The following RFX4 variants were observed in gnomAD, a reference collection of about 807,000 sequenced individuals.
RFX4 encodes transcription factor RFX4.
Under a neutral mutation model 95.0 loss-of-function variants are expected in RFX4, and 10 were observed. That is an observed-to-expected ratio of 0.11 (90% CI 0.06 to 0.18). The LOEUF (loss-of-function observed/expected upper bound fraction) is 0.18, where lower values mean the gene tolerates loss of function less well. Among genes scored for constraint, RFX4 ranks in the 10% least tolerant of loss-of-function variants. The pLI, the probability that RFX4 is intolerant of heterozygous loss-of-function variation, is 1.00. For synonymous variants in RFX4, 321 were observed against 340.7 expected (o/e 0.94, Z 0.64); for missense variants, 640 against 922.0 (o/e 0.69, Z 3.96).
chr12:106,596,553 A>T (rs1436604710), intron 1 of RFX4, among the ~76,000 whole-genome samples: 1 of 152,210 alleles, frequency 6.6e-6, no homozygotes, highest in Non-Finnish European at 1.5e-5. Flanking sequence ...TAAACCAGTG[A>T]ATTGGAAGGA....
chr12:106,597,894 A>G (rs1320641048), intron 1 of RFX4, among the ~76,000 whole-genome samples: 1 of 152,172 alleles, frequency 6.6e-6, no homozygotes, highest in African/African-American at 2.4e-5. Flanking sequence ...GTGCAAAAAT[A>G]AAAAAGAAAA....
intron 2 of RFX4, among the ~76,000 whole-genome samples, chr12:106,625,894 T>G (rs1386422273): frequency 6.6e-6 from 1 of 152,222 alleles, no homozygotes; most frequent in Non-Finnish European, 1.5e-5. Context: ...ACTTGTTCAA[T>G]GTCATAGCAA....
In RFX4 at chr12:106,583,114, C is replaced by G; in HGVS notation, c.-207C>G. The G allele has an allele frequency of 4.3e-6, 2 of 459,894 alleles. No individual in the cohort carries two copies. Among genetic ancestry groups the G allele is most frequent in the Non-Finnish European group, 7.4e-6 (2 of 268,548 alleles). The allele number at this position is 459,894 out of a possible 1,614,324, so 28.5% of individuals were successfully genotyped here. ...CGAGCTCGCTCCCTTCTCTCCCTCTCTCTCCTCTTTTCTTCTTTCTCTTTT... is the reference window on the plus strand; with the variant it reads ...CGAGCTCGCTCCCTTCTCTCCCTCTGTCTCCTCTTTTCTTCTTTCTCTTTT... On this transcript the variant is annotated 5_prime_UTR_variant, in exon 1 of 18. Transcript: ENST00000392842.
chr12:106,731,485 A>C (rs1430087281), intron 13 of RFX4, among the ~76,000 whole-genome samples: 1 of 152,204 alleles, frequency 6.6e-6, no homozygotes, highest in Non-Finnish European at 1.5e-5. Flanking sequence ...TTTACAAAAT[A>C]ATCTACTCTA....
chr12:106,733,206 C>G (rs1189317533), intron 15 of RFX4, 121 bp downstream of exon 15: 5 of 1,104,006 alleles, frequency 4.5e-6, no homozygotes, highest in Admixed American at 1.9e-5. Context: ...CATCTTGGCT[C>G]ACACCTGTAG....
chr12:106,641,377 T>C (rs1592884942), intron 3 of RFX4, among the ~76,000 whole-genome samples: 1 of 152,216 alleles, frequency 6.6e-6, no homozygotes, highest in East Asian at 1.9e-4. Flanking sequence ...CATAGGGTAG[T>C]CATGAAGATG....
At chr12:106,699,903 A>T (rs2041952804) in intron 8 of RFX4, among the ~76,000 whole-genome samples, 1 of 151,954 alleles carries the variant, frequency 6.6e-6, no homozygotes, top group Non-Finnish European at 1.5e-5. Context: ...ATATGGTTCA[A>T]TTAAGATCTT....
chr12:106,712,010 A>G (rs2042200084), intron 10 of RFX4, among the ~76,000 whole-genome samples: 1 of 152,226 alleles, frequency 6.6e-6, no homozygotes, highest in African/African-American at 2.4e-5. Flanking sequence ...CCATGCCCCT[A>G]TCAACTCTGT....
intron 11 of RFX4, 44 bp downstream of exon 11, chr12:106,715,588 A>G: frequency 6.2e-7 from 1 of 1,600,486 alleles, no homozygotes; most frequent in Non-Finnish European, 8.5e-7. Flanking sequence ...TTTATTTTTA[A>G]AAGAAAGAAA....
chr12:106,663,898 A>G (rs2041124804), intron 4 of RFX4, among the ~76,000 whole-genome samples: 1 of 151,798 alleles, frequency 6.6e-6, no homozygotes, highest in African/African-American at 2.4e-5. Context: ...CCAGCCTTGT[A>G]TATCTGGGAT....
At chr12:106,623,815 G>T (rs1216672477) in intron 2 of RFX4, among the ~76,000 whole-genome samples, 2 of 152,192 alleles carry the variant, frequency 1.3e-5, no homozygotes, top group Non-Finnish European at 1.5e-5. Context: ...GAATGCTTTG[G>T]ATTGTAAGAG....
intron 1 of RFX4, among the ~76,000 whole-genome samples, chr12:106,590,761 A>T (rs186833282): frequency 6.6e-6 from 1 of 152,326 alleles, no homozygotes; most frequent in Non-Finnish European, 1.5e-5. Flanking sequence ...CCTGGGCAAC[A>T]TAGTGACACT....
chr12:106,620,245 C>T (rs2040155340), intron 2 of RFX4, among the ~76,000 whole-genome samples: 1 of 152,102 alleles, frequency 6.6e-6, no homozygotes, highest in South Asian at 2.1e-4. Flanking sequence ...CTTTCTCCAA[C>T]AATATTGGGG....
chr12:106,730,696 A>G (rs2137557271), intron 13 of RFX4, among the ~76,000 whole-genome samples: 1 of 152,330 alleles, frequency 6.6e-6, no homozygotes. Flanking sequence ...ATAATGCCAG[A>G]GAGTCCCGTA....
At chr12:106,633,864 G>C (rs1371018916) in intron 2 of RFX4, among the ~76,000 whole-genome samples, 1 of 152,162 alleles carries the variant, frequency 6.6e-6, no homozygotes, top group Admixed American at 6.5e-5. Flanking sequence ...CATCTTCCCT[G>C]GGCCCCAGGT....
At chr12:106,753,609 G>A (rs1313734162) in intron 17 of RFX4, among the ~76,000 whole-genome samples, 2 of 152,140 alleles carry the variant, frequency 1.3e-5, no homozygotes, top group African/African-American at 4.8e-5. Flanking sequence ...CAGGCTCTGC[G>A]CTGAGCACTC....
At chr12:106,623,990 G>C (rs2040239443) in intron 2 of RFX4, among the ~76,000 whole-genome samples, 5 of 152,200 alleles carry the variant, frequency 3.3e-5, no homozygotes, top group Admixed American at 3.3e-4. Flanking sequence ...TTGTCCCCGA[G>C]TTAGTACCTC....
chr12:106,640,945 T>A, intron 3 of RFX4, among the ~76,000 whole-genome samples: 1 of 152,080 alleles, frequency 6.6e-6, no homozygotes, highest in East Asian at 1.9e-4. Flanking sequence ...CATGCCCGGC[T>A]AATTTTTGTG....
intron 2 of RFX4, among the ~76,000 whole-genome samples, chr12:106,627,988 G>T (rs1410336625): frequency 6.6e-6 from 1 of 152,196 alleles, no homozygotes; most frequent in Non-Finnish European, 1.5e-5. Flanking sequence ...GAATTGGATT[G>T]CCCCCATGGG....
Sources: gnomAD v4.1 joint callset for allele counts (sites outside exome capture counted in the v4.1 genomes callset) on GRCh38, gnomAD v4.1.1 for gene constraint, MANE v1.5 for transcripts, NCBI Gene and HGNC (gene_info 2026-07-23, HGNC 2026-07-21) for gene names.